The following NAV3 variants were observed in gnomAD, a reference collection of about 807,000 sequenced individuals.
The protein encoded by NAV3 is neuron navigator 3, also known as pore membrane and/or filament interacting like protein 1.
In NAV3, 87 loss-of-function variants were observed where a neutral mutation model predicts 244.7. The ratio of observed to expected loss-of-function variants is 0.36; its 90% CI spans 0.30 to 0.42. The LOEUF (loss-of-function observed/expected upper bound fraction) is 0.42. Among genes scored for constraint, NAV3 ranks in the 20% least tolerant of loss-of-function variants. The probability of loss-of-function intolerance (pLI) is 1.00; values close to 1 mark genes in which losing one functional copy is unlikely to be tolerated. For missense variants in NAV3, 2,663 were observed against 2,893.3 expected (o/e 0.92, Z 1.83); for synonymous variants, 1,126 against 1,042.2 (o/e 1.08, Z -1.55).
intron 1 of NAV3, among the ~76,000 whole-genome samples, chr12:77,838,934 C>T (rs1257818450): frequency 6.6e-6 from 1 of 152,130 alleles, no homozygotes; most frequent in African/African-American, 2.4e-5. Flanking sequence ...ATTTTTATCT[C>T]CTCCCTTTCT....
chr12:77,908,030 G>A (rs1886178706), intron 1 of NAV3, among the ~76,000 whole-genome samples: 1 of 151,952 alleles, frequency 6.6e-6, no homozygotes, highest in African/African-American at 2.4e-5. Context: ...TTTGAAAGCT[G>A]GAACTAAACC....
intron 38 of NAV3, among the ~76,000 whole-genome samples, chr12:78,203,384 G>A (rs539804070): frequency 6.6e-6 from 1 of 152,140 alleles, no homozygotes; most frequent in East Asian, 1.9e-4. Context: ...CATGCTATAT[G>A]TTACATCTAT....
intron 1 of NAV3, among the ~76,000 whole-genome samples, chr12:77,861,978 C>T (rs1279043803): frequency 6.6e-6 from 1 of 151,720 alleles, no homozygotes; most frequent in Non-Finnish European, 1.5e-5. Context: ...AAAATAAATA[C>T]TATCGAAAGT....
At chr12:77,737,989 C>T (rs114365002) in intron 2 of NAV3, among the ~76,000 whole-genome samples, 75 of 152,238 alleles carry the variant, frequency 4.9e-4, no homozygotes, top group African/African-American at 1.7e-3. Context: ...TGACATCCCA[C>T]CCCATCCTTC....
intron 2 of NAV3, among the ~76,000 whole-genome samples, chr12:77,825,410 C>T (rs956413065): frequency 1.3e-5 from 2 of 152,058 alleles, no homozygotes; most frequent in African/African-American, 4.8e-5. Flanking sequence ...CGTATGCTAA[C>T]AGTAGCACAA....
chr12:78,210,366 T>C, intron 39 of NAV3, 32 bp from the exon 40 acceptor site: 1 of 1,612,898 alleles, frequency 6.2e-7, no homozygotes, highest in Non-Finnish European at 8.5e-7. Context: ...AATGCATCAT[T>C]GCCTACATCG....
rs527661091 is a variant in NAV3, at chr12:77,972,332, T to G, written c.671+3630T>G. Among the ~76,000 whole-genome samples the G allele has an allele frequency of 2.0e-5, 3 of 152,314 alleles. No individual in the cohort carries two copies. In the East Asian group the frequency reaches 5.8e-4, roughly 29 times the overall value. On this transcript the variant is annotated intron_variant, in intron 5 of 39. Transcript: ENST00000397909. ...GGTGGGATTCAGATTTTAAGTTTCT[T>G]AAATTCATTACAGGGTATTATTTGG...
intron 11 of NAV3, among the ~76,000 whole-genome samples, chr12:78,055,766 G>A (rs1883408997): frequency 6.6e-6 from 1 of 152,168 alleles, no homozygotes; most frequent in African/African-American, 2.4e-5. Context: ...CATTTGTCTA[G>A]AACAGCTGCA....
rs540377356 is a variant in NAV3, at chr12:77,636,637, C to A, written c.72+64371C>A. Among the ~76,000 whole-genome samples the A allele has an allele frequency of 4.4e-4, 67 of 152,124 alleles. 1 individual carries two copies. The East Asian group carries it at 0.013, about 29-fold the overall frequency. ...GAAATACCATTTGACCCAGCAATCCCATTACTGGGTATATACCCAAAGGAT... is the reference window on the plus strand; with the variant it reads ...GAAATACCATTTGACCCAGCAATCCAATTACTGGGTATATACCCAAAGGAT... On this transcript the variant is annotated intron_variant, in intron 2 of 8. Transcript: ENST00000550042.
In NAV3 at chr12:78,067,033, C is replaced by A. The variant is rs1300807492; in HGVS notation, c.2636+7918C>A. On this transcript the variant is annotated intron_variant, in intron 12 of 39. Coordinates refer to ENST00000397909, the MANE Select transcript of NAV3 (RefSeq NM_001024383.2). The stretch of plus-strand genomic sequence containing the variant: ...GGGCATCAGTTATAAGGGTGGGAGA[C>A]CTTTATGATTTCCAAGCCTTTTCCA... 2.0e-5 allele frequency among the ~76,000 whole-genome samples: 3 copies of A among 152,130 alleles called. No individual in the cohort carries two copies. In the East Asian group the frequency reaches 5.8e-4, roughly 29 times the overall value.
intron 2 of NAV3, among the ~76,000 whole-genome samples, chr12:77,676,893 G>A (rs961596288): frequency 6.6e-6 from 1 of 152,150 alleles, no homozygotes; most frequent in African/African-American, 2.4e-5. Context: ...AGGGTGAGGT[G>A]TATGAGGAGG....
intron 1 of NAV3, among the ~76,000 whole-genome samples, chr12:77,892,052 A>G (rs571449862): frequency 6.6e-6 from 1 of 152,346 alleles, no homozygotes; most frequent in South Asian, 2.1e-4. Context: ...CTTATTTGAC[A>G]TGGAACACTT....
At position 78,188,825 on chromosome 12, in the gene NAV3, A is replaced by G. The variant is rs371229007; in HGVS notation, c.6055+48A>G. 3.9e-4 allele frequency: 608 copies of G among 1,573,120 alleles called. 2 individuals carry two copies. The highest frequency in any genetic ancestry group is 2.2e-4 in the Admixed American group (13 of 58,190). On this transcript the variant is annotated intron_variant, in intron 33 of 39. Coordinates refer to ENST00000397909, the MANE Select transcript of NAV3 (RefSeq NM_001024383.2). Reference sequence around the variant, plus strand: ...AGGCAGAAATATAATTTTTAGCAACATTTTATTCTGCCCCCCGCCCCTTTT... The same window carrying G: ...AGGCAGAAATATAATTTTTAGCAACGTTTTATTCTGCCCCCCGCCCCTTTT...
intron 1 of NAV3, among the ~76,000 whole-genome samples, chr12:77,880,205 G>A (rs529439541): frequency 6.6e-6 from 1 of 152,244 alleles, no homozygotes; most frequent in Admixed American, 6.5e-5. Context: ...AAGAAGTCAT[G>A]AGTCGCACAA....
chr12:78,037,108 C>T (rs762423094), intron 9 of NAV3: 1 of 703,036 alleles, frequency 1.4e-6, no homozygotes, highest in South Asian at 1.5e-5. Flanking sequence ...CTGTATCACA[C>T]CAGCAGCTCA....
intron 9 of NAV3, 56 bp downstream of exon 9, chr12:78,021,918 T>A: frequency 9.1e-7 from 1 of 1,095,868 alleles, no homozygotes; most frequent in Non-Finnish European, 1.3e-6. Context: ...ATTCTCTCCA[T>A]AAGACTTTTT....
chr12:77,684,965 G>A (rs566278406), intron 2 of NAV3, among the ~76,000 whole-genome samples: 8 of 151,874 alleles, frequency 5.3e-5, no homozygotes, highest in African/African-American at 9.7e-5. Flanking sequence ...GAATCATTAC[G>A]GACTGTGTAA....
At chr12:78,191,581 T>G (rs1958983981) in intron 34 of NAV3, among the ~76,000 whole-genome samples, 1 of 152,136 alleles carries the variant, frequency 6.6e-6, no homozygotes, top group African/African-American at 2.4e-5. Context: ...GAATATTTCC[T>G]TGGAACTCAG....
intron 16 of NAV3, 87 bp downstream of exon 16, chr12:78,122,515 C>G (rs1198343000): frequency 1.4e-6 from 2 of 1,451,730 alleles, no homozygotes; most frequent in Non-Finnish European, 1.8e-6. Flanking sequence ...CCCTTGATTT[C>G]ACTGTGAGTG....
Sources: gnomAD v4.1 joint callset for allele counts (sites outside exome capture counted in the v4.1 genomes callset) on GRCh38, gnomAD v4.1.1 for gene constraint, MANE v1.5 for transcripts, NCBI Gene and HGNC (gene_info 2026-07-23, HGNC 2026-07-21) for gene names.